Variants in EPB41 observed in about 807,000 individuals in gnomAD.
The protein encoded by EPB41 is protein 4.1.
A neutral mutation model predicts 108.0 loss-of-function variants in EPB41; 65 were observed. The observed-to-expected ratio is 0.60, with a 90% CI of 0.49 to 0.74. The LOEUF (loss-of-function observed/expected upper bound fraction) is 0.74, where lower values mean the gene tolerates loss of function less well. EPB41 is among the 30% of genes least tolerant of loss of function. The pLI is 0.00. For synonymous variants in EPB41, 336 were observed against 358.9 expected (o/e 0.94, Z 0.72); for missense variants, 875 against 1,037.0 (o/e 0.84, Z 2.15).
intron 1 of EPB41, among the ~76,000 whole-genome samples, chr1:28,915,060 C>A (rs921979201): frequency 2.9e-5 from 1 of 33,902 alleles, no homozygotes; most frequent in African/African-American, 1.2e-4. Flanking sequence ...TTTTGACGGT[C>A]CCCTCGGGTG....
chr1:28,905,755 G>A (rs985503281), intron 1 of EPB41, among the ~76,000 whole-genome samples: 17 of 151,892 alleles, frequency 1.1e-4, no homozygotes, highest in African/African-American at 4.1e-4. Flanking sequence ...ATTTATTGTG[G>A]AACTAAGGCT....
At chr1:28,983,921 G>A (rs954000950) in intron 1 of EPB41, among the ~76,000 whole-genome samples, 2 of 151,722 alleles carry the variant, frequency 1.3e-5, no homozygotes, top group South Asian at 2.1e-4. Context: ...GCTCTTGTCC[G>A]GTGTCCAGGA....
At chr1:28,948,536 A>G (rs2094576873) in intron 1 of EPB41, among the ~76,000 whole-genome samples, 1 of 151,054 alleles carries the variant, frequency 6.6e-6, no homozygotes, top group Non-Finnish European at 1.5e-5. Flanking sequence ...AAAGAAAGAA[A>G]GTGAAGCAGC....
At position 28,902,125 on chromosome 1, in the gene EPB41, A is replaced by G. The variant is rs1327303130; in HGVS notation, c.-8+14915A>G. 3 of 963,578 alleles carry G rather than the reference A, an allele frequency of 3.1e-6. No homozygotes were observed. In the African/African-American group the frequency reaches 5.3e-5, roughly 17 times the overall value. The allele number at this position is 963,578 out of a possible 1,614,324, so 59.7% of individuals were successfully genotyped here. ...AAGCCTGTTCTCTCTGGATCTAGGA[A>G]TATTTTGAGCACACAGTAGAATCTC... On this transcript the variant is annotated intron_variant, in intron 1 of 16. Coordinates refer to the EPB41 transcript ENST00000347529.
At chr1:28,915,731 C>CTTTTTTTTTTTTTTTTTTTTTTTT (rs11321625) in intron 1 of EPB41, among the ~76,000 whole-genome samples, 1 of 56,074 alleles carries the variant, frequency 1.8e-5, no homozygotes, top group African/African-American at 7.8e-5. Context: ...TTTTCAGATG[C>CTTTTTTTTTTTTTTTTTTTTTTTT]TTTTTTTTTT....
chr1:28,986,299 AAT>A (rs1032759308), intron 1 of EPB41, among the ~76,000 whole-genome samples: 37 of 152,312 alleles, frequency 2.4e-4, no homozygotes, highest in African/African-American at 7.2e-4. Context: ...TAAGGTCATC[AAT>A]AGTCGACTTC....
chr1:29,045,790 T>C (rs191368646), intron 11 of EPB41, among the ~76,000 whole-genome samples: 90 of 124,246 alleles, frequency 7.2e-4, no homozygotes, highest in African/African-American at 2.6e-3. Flanking sequence ...CTGGGCAACA[T>C]GGCAAGACCC....
rs1224335554 is a variant in EPB41 at position 29,117,593 on chromosome 1, A to G, written c.*781A>G. On this transcript the variant is annotated 3_prime_UTR_variant, in exon 21 of 21. Transcript: ENST00000343067. ...CCTCATCAGAAGCAGTGGCTCAGCT[A>G]AGTGCTCCCCCTAGCTCCCATCTCA... is the stretch of plus-strand genomic sequence containing the variant. 2 of 152,652 alleles carry G rather than the reference A, an allele frequency of 1.3e-5. No homozygotes were observed. Among genetic ancestry groups the G allele is most frequent in the Non-Finnish European group, 2.9e-5 (2 of 68,054 alleles). 9.5% of individuals were successfully genotyped at this position (152,652 alleles called of 1,614,324 possible).
chr1:29,011,990 G>T (rs2096509683), intron 5 of EPB41, 83 bp downstream of exon 5: 2 of 1,481,438 alleles, frequency 1.4e-6, no homozygotes, highest in South Asian at 2.3e-5. Context: ...CTGTGAGTCA[G>T]TCACTTTAGA....
chr1:28,950,899 A>G (rs2094694375), intron 1 of EPB41, among the ~76,000 whole-genome samples: 1 of 151,850 alleles, frequency 6.6e-6, no homozygotes, highest in African/African-American at 2.4e-5. Flanking sequence ...GCAGTGGTGC[A>G]GTCTTGGGTC....
At chr1:28,938,349 G>A (rs1215757959) in intron 1 of EPB41, among the ~76,000 whole-genome samples, 6 of 151,944 alleles carry the variant, frequency 3.9e-5, no homozygotes, top group Non-Finnish European at 8.8e-5. Flanking sequence ...GATTTTTTCC[G>A]CTTATTTAGG....
At chr1:28,984,394 T>C (rs1465624746) in intron 1 of EPB41, among the ~76,000 whole-genome samples, 1 of 152,248 alleles carries the variant, frequency 6.6e-6, no homozygotes, top group Non-Finnish European at 1.5e-5. Context: ...AAATTTATTT[T>C]GAATTTTTCT....
chr1:29,014,387 T>A (rs2149995242), intron 5 of EPB41, among the ~76,000 whole-genome samples: 1 of 152,138 alleles, frequency 6.6e-6, no homozygotes, highest in South Asian at 2.1e-4. Flanking sequence ...ATTTAATTTT[T>A]AAAATAGATG....
intron 1 of EPB41, among the ~76,000 whole-genome samples, chr1:28,935,006 T>C (rs932642146): frequency 6.6e-6 from 1 of 151,868 alleles, no homozygotes; most frequent in Non-Finnish European, 1.5e-5. Flanking sequence ...TCCCAGCTAC[T>C]CAGGAGGCTG....
At chr1:28,933,497 G>A (rs1230211380) in intron 1 of EPB41, among the ~76,000 whole-genome samples, 2 of 152,066 alleles carry the variant, frequency 1.3e-5, no homozygotes, top group East Asian at 3.8e-4. Flanking sequence ...TTAGGGTAGT[G>A]GTAAACTTTC....
chr1:28,987,964 T>G, intron 2 of EPB41, 59 bp downstream of exon 2: 1 of 1,569,176 alleles, frequency 6.4e-7, no homozygotes, highest in Non-Finnish European at 8.8e-7. Context: ...ACTTTATTTT[T>G]CATTTAAGAG....
At chr1:28,905,936 G>T (rs2091788465) in intron 1 of EPB41, among the ~76,000 whole-genome samples, 1 of 151,132 alleles carries the variant, frequency 6.6e-6, no homozygotes, top group South Asian at 2.1e-4. Context: ...TCCTGCCTCA[G>T]CCTCCAGAGT....
intron 1 of EPB41, among the ~76,000 whole-genome samples, chr1:28,977,728 T>C (rs2095640589): frequency 6.6e-6 from 1 of 152,174 alleles, no homozygotes; most frequent in African/African-American, 2.4e-5. Flanking sequence ...TTATATCTTT[T>C]CCTCTGTACC....
chr1:29,070,538 C>T, intron 16 of EPB41: 1 of 1,232,138 alleles, frequency 8.1e-7, no homozygotes, highest in Non-Finnish European at 1.0e-6. Context: ...TAGTACTTTT[C>T]CATCTCCTCG....
Sources: allele counts gnomAD v4.1 joint callset (sites outside exome capture counted in the v4.1 genomes callset), GRCh38; gene constraint gnomAD v4.1.1; transcripts MANE v1.5; gene names NCBI Gene and HGNC (gene_info 2026-07-23, HGNC 2026-07-21).